Variants in PLIN1 observed in about 807,000 individuals in gnomAD.
The protein encoded by PLIN1 is perilipin-1.
In PLIN1, 37 loss-of-function variants were observed where a neutral mutation model predicts 45.8. The observed-to-expected ratio is 0.81, with a 90% CI of 0.62 to 1.06. PLIN1 has a LOEUF of 1.06. PLIN1 is among the 50% of genes least tolerant of loss of function. PLIN1 has a pLI of 0.00. For synonymous variants in PLIN1, 340 were observed against 309.2 expected (o/e 1.10, Z -1.05); for missense variants, 776 against 716.5 (o/e 1.08, Z -0.95).
chr15:89,676,439 G>A (rs540416377), intron 2 of PLIN1, among the ~76,000 whole-genome samples: 12 of 152,184 alleles, frequency 7.9e-5, no homozygotes, highest in East Asian at 3.9e-4. Flanking sequence ...AGTAGAGATG[G>A]GGTTTCACTG....
chr15:89,676,329 G>A (rs1964515034), intron 2 of PLIN1, among the ~76,000 whole-genome samples: 1 of 152,108 alleles, frequency 6.6e-6, no homozygotes, highest in Non-Finnish European at 1.5e-5. Context: ...CTCACTGCAA[G>A]CTCTGCCTCC....
intron 3 of PLIN1, 55 bp downstream of exon 3, chr15:89,673,155 A>G: frequency 7.6e-7 from 1 of 1,311,034 alleles, no homozygotes; most frequent in Admixed American, 2.0e-5. Flanking sequence ...GGACAGACAG[A>G]CTGGAAGGTA....
chr15:89,666,856 G>A lies in PLIN1; in HGVS notation c.1209+80C>T, dbSNP rs1239098444. The A allele has an allele frequency of 5.9e-6, 9 of 1,523,660 alleles. No individual in the cohort carries two copies. In the East Asian group the frequency reaches 1.8e-4, roughly 30 times the overall value. The allele number at this position is 1,523,660 out of a possible 1,614,324, so 94.4% of individuals were successfully genotyped here. On this transcript the variant is annotated intron_variant, in intron 8 of 8. Coordinates refer to ENST00000300055, the MANE Select transcript of PLIN1 (RefSeq NM_002666.5). ...AGTAGGGGAAAGGAGGGGGACTGCA[G>A]CCCCTTCAGTCAAATCTACTTTATC...
Position 89,665,790 on chromosome 15 carries a change from G to A in PLIN1, c.1362C>T (p.Arg454=). The change falls in exon 9 of 9, where the codon CGC becomes CGT. Residue 454 remains arginine, a synonymous_variant. Coordinates refer to ENST00000300055, the MANE Select transcript of PLIN1 (RefSeq NM_002666.5). ...CGGGGCTCTGCGCGCTGCGCAGGCT[G>A]CGGCGGGGCTGTGCGAGACGCGGGG... The part of the protein sequence containing the change: ...EPAPRLAQPR[R]SLRSAQSPGA... 10 of 1,285,358 alleles carry A rather than the reference G, an allele frequency of 7.8e-6. No homozygotes were observed. The highest frequency in any genetic ancestry group is 9.8e-6 in the Non-Finnish European group (10 of 1,019,850). 79.6% of individuals were successfully genotyped at this position (1,285,358 alleles called of 1,614,324 possible). A position where few individuals can be genotyped will look rare whatever the true frequency, so the allele number is the denominator to read the frequency against.
intron 8 of PLIN1, among the ~76,000 whole-genome samples, chr15:89,666,682 A>T (rs1314808251): frequency 6.6e-6 from 1 of 152,034 alleles, no homozygotes; most frequent in Non-Finnish European, 1.5e-5. Context: ...TGATGGCTGG[A>T]GACTCCTCTA....
intron 8 of PLIN1, among the ~76,000 whole-genome samples, chr15:89,666,579 T>C (rs114406123): frequency 0.012 from 1,805 of 152,168 alleles, 37 homozygotes; most frequent in African/African-American, 0.042. Context: ...CCTGGAAGCC[T>C]CTCCAACCCC....
At chr15:89,670,795 G>A (rs1212376121) in intron 4 of PLIN1, among the ~76,000 whole-genome samples, 1 of 152,146 alleles carries the variant, frequency 6.6e-6, no homozygotes, top group East Asian at 1.9e-4. Flanking sequence ...GTGGCCGTGG[G>A]GGAGACACTG....
chr15:89,665,900 C>T lies in PLIN1; in HGVS notation c.1252G>A (p.Asp418Asn), dbSNP rs746432641. The T allele has an allele frequency of 1.3e-6, 2 of 1,536,806 alleles. No individual in the cohort carries two copies. Among genetic ancestry groups the T allele is most frequent in the Non-Finnish European group, 1.7e-6 (2 of 1,151,056 alleles). The change falls in exon 9 of 9, where the codon GAC (aspartate) becomes AAC (asparagine). Residue 418 changes from aspartate to asparagine, a missense_variant. Physicochemically the swap from Asp to Asn is conservative, Grantham distance 23. Coordinates refer to ENST00000300055, the MANE Select transcript of PLIN1 (RefSeq NM_002666.5). ...SLMEPESEFR[D>N]IDNPPAEVER... ...ACCTCGGCTGGTGGGTTGTCGATGT[C>T]CCGGAATTCGCTCTCGGGCTCCATC... is the stretch of plus-strand genomic sequence containing the variant.
At chr15:89,673,523 G>A (rs1045743449) in intron 2 of PLIN1, 109 bp from the exon 3 acceptor site, 6 of 848,702 alleles carry the variant, frequency 7.1e-6, no homozygotes, top group African/African-American at 3.3e-5. Flanking sequence ...GAGTCCAAGC[G>A]ACCTGGGAGG....
chr15:89,670,446 G>C (rs1964423470), intron 4 of PLIN1, among the ~76,000 whole-genome samples: 2 of 152,134 alleles, frequency 1.3e-5, no homozygotes, highest in African/African-American at 4.8e-5. Context: ...CAACTGTTTG[G>C]ATCTCCTGGC....
At chr15:89,678,993 G>A (rs1964559737) in intron 1 of PLIN1, among the ~76,000 whole-genome samples, 1 of 151,980 alleles carries the variant, frequency 6.6e-6, no homozygotes, top group Admixed American at 6.6e-5. Flanking sequence ...CTACAGGCAT[G>A]CACCACAATG....
Position 89,669,627 on chromosome 15 carries a change from TTGG to T in PLIN1, c.641_643del (p.Ala214_Lys215delinsGlu). 1 of 1,614,042 alleles carries T rather than the reference TTGG, an allele frequency of 6.2e-7. No homozygotes were observed. Among genetic ancestry groups the T allele is most frequent in the South Asian group, 1.1e-5 (1 of 91,080 alleles). ...CCCAACCCTGCTCAAGAGGCTTGGCTTGGCCTTGGGAGACTTCTGGGCTTGCTG... is the reference window on the plus strand; with the variant it reads ...CCCAACCCTGCTCAAGAGGCTTGGCTCCTTGGGAGACTTCTGGGCTTGCTG... On this transcript the variant is annotated inframe_deletion, in exon 6 of 9. Coordinates refer to ENST00000300055, the MANE Select transcript of PLIN1 (RefSeq NM_002666.5).
intron 2 of PLIN1, chr15:89,676,617 G>T (rs1964523787): frequency 6.6e-6 from 1 of 152,266 alleles, no homozygotes; most frequent in Non-Finnish European, 1.5e-5. Context: ...CTATAAACAA[G>T]AAAACATTCT....
rs1964359764 is a variant in PLIN1, at chr15:89,667,139, C to T, written c.1006G>A (p.Ala336Thr). Residue 336 changes from alanine (A) to threonine (T), a missense_variant, in exon 8 of 9, where the codon GCA (alanine) becomes ACA (threonine). Transcript: ENST00000300055. ...TGGAGGGTCTTCTGCAGGGTATGTG[C>T]CACACCACCCAGGAGGCCTCGAGGG... ...PGPRGLLGGV[A>T]HTLQKTLQTT... is the part of the protein sequence containing the mutation. 6.2e-7 allele frequency: 1 copy of T among 1,613,868 alleles called. No individual in the cohort carries two copies. The highest frequency in any genetic ancestry group is 1.3e-5 in the African/African-American group (1 of 75,018).
chr15:89,666,301 C>T (rs1292357035), intron 8 of PLIN1, among the ~76,000 whole-genome samples: 1 of 152,168 alleles, frequency 6.6e-6, no homozygotes. Flanking sequence ...CTGGCCCGAG[C>T]GCAGGATGAA....
At chr15:89,672,514 C>T (rs1035540762) in intron 3 of PLIN1, among the ~76,000 whole-genome samples, 11 of 152,224 alleles carry the variant, frequency 7.2e-5, no homozygotes, top group African/African-American at 2.7e-4. Context: ...CGGTCCTCTC[C>T]TGTTTGCTGT....
At position 89,677,469 on chromosome 15, in the gene PLIN1, G is replaced by A; in HGVS notation, c.21C>T (p.Leu7=). The A allele has an allele frequency of 6.2e-7, 1 of 1,614,054 alleles. No individual in the cohort carries two copies. The highest frequency in any genetic ancestry group is 2.2e-5 in the East Asian group (1 of 44,870). MAVNKG[L]TLLDGDLPEQ... is the part of the protein sequence containing the mutation. ...CAGGGAGGTCTCCATCCAGCAAGGT[G>A]AGGCCTTTGTTGACTGCCATCCTCG... Residue 7 remains leucine (L), a synonymous_variant, in exon 2 of 9, where the codon CTC becomes CTT. Transcript: ENST00000300055.
intron 2 of PLIN1, among the ~76,000 whole-genome samples, chr15:89,673,705 C>T (rs965151602): frequency 4.6e-5 from 7 of 152,180 alleles, no homozygotes; most frequent in African/African-American, 1.7e-4. Context: ...CACTCCCACC[C>T]CCACCTCAGC....
chr15:89,667,847 G>C, intron 6 of PLIN1, 54 bp from the exon 7 acceptor site: 1 of 1,538,868 alleles, frequency 6.5e-7, no homozygotes, highest in Non-Finnish European at 8.7e-7. Context: ...TGAAGGCCAG[G>C]GAGCCCCAGC....
Sources: allele counts gnomAD v4.1 joint callset (sites outside exome capture counted in the v4.1 genomes callset), GRCh38; gene constraint gnomAD v4.1.1; transcripts MANE v1.5; gene names NCBI Gene and HGNC (gene_info 2026-07-23, HGNC 2026-07-21).